Variants in AMZ1 observed in about 807,000 individuals in gnomAD.
AMZ1 encodes the protein archaemetzincin-1.
In AMZ1, 39 loss-of-function variants were observed where a neutral mutation model predicts 29.9. The ratio of observed to expected loss-of-function variants is 1.30; its 90% CI spans 1.01 to 1.70. The LOEUF (loss-of-function observed/expected upper bound fraction) is 1.70, where lower values mean the gene tolerates loss of function less well. Ranked by LOEUF, AMZ1 falls within the 40% of genes most tolerant of loss-of-function variation. The pLI, the probability that AMZ1 is intolerant of heterozygous loss-of-function variation, is 0.00. For missense variants in AMZ1, 1,041 were observed against 680.6 expected (o/e 1.53, Z -5.89); for synonymous variants, 458 against 304.0 (o/e 1.51, Z -5.27).
At chr7:2,754,676 G>A (rs1791206016) in intron 4 of AMZ1, among the ~76,000 whole-genome samples, 1 of 152,038 alleles carries the variant, frequency 6.6e-6, no homozygotes, top group Non-Finnish European at 1.5e-5. Context: ...TTGAGCCCAG[G>A]AGACTGAGGC....
rs1264435511 is a variant in AMZ1 at position 2,702,739 on chromosome 7, G to T, written c.322G>T (p.Val108Leu). 6.5e-7 allele frequency: 1 copy of T among 1,536,824 alleles called. No homozygotes were observed. The highest frequency in any genetic ancestry group is 2.5e-5 in the East Asian group (1 of 40,708). Residue 108 changes from valine (V) to leucine (L), a missense_variant, in exon 3 of 7, where the codon GTG (valine) becomes TTG (leucine). By Grantham distance (32) the Val-to-Leu change is conservative. Coordinates refer to ENST00000683327, the MANE Select transcript of AMZ1 (RefSeq NM_001384743.1). ...LQPIDLSEEP[V>L]GSSLLHQLCS... The stretch of plus-strand genomic sequence containing the variant: ...CCCACCAGACCTGAGCGAGGAGCCG[G>T]TGGGAAGCTCCCTGCTGCACCAGCT...
intron 3 of AMZ1, among the ~76,000 whole-genome samples, chr7:2,704,003 C>G (rs918601766): frequency 2.0e-5 from 3 of 152,216 alleles, no homozygotes; most frequent in Non-Finnish European, 2.9e-5. Context: ...ATTCTCCTGC[C>G]TCAGCCTCCC....
At chr7:2,762,083 C>G (rs1266396924), upstream of AMZ1, 1 of 152,554 alleles carries the variant, frequency 6.6e-6, no homozygotes, top group Non-Finnish European at 1.5e-5. Flanking sequence ...TACCTCCAGC[C>G]CCTCCAGAAA....
rs769655462 is a variant in AMZ1 at position 2,713,094 on chromosome 7, T to C, written c.*216T>C. Reference sequence around the variant, plus strand: ...CTCTACAAAAGAAAAATTAAAAAATTAGCTGGATGAAGTGGTTCATGCCTG... The same window carrying C: ...CTCTACAAAAGAAAAATTAAAAAATCAGCTGGATGAAGTGGTTCATGCCTG... On this transcript the variant is annotated 3_prime_UTR_variant, in exon 7 of 7. Transcript: ENST00000683327. The C allele has an allele frequency of 4.5e-6, 2 of 448,106 alleles. No homozygotes were observed. Among genetic ancestry groups the C allele is most frequent in the Non-Finnish European group, 7.5e-6 (2 of 266,038 alleles). The allele number at this position is 448,106 out of a possible 1,614,324, so 27.8% of individuals were successfully genotyped here.
rs1462060894 is a variant in AMZ1 at position 2,719,028 on chromosome 7, C to T, written c.*6150C>T. Among the ~76,000 whole-genome samples the T allele has an allele frequency of 2.4e-5, 3 of 125,704 alleles. No individual in the cohort carries two copies. The highest frequency in any genetic ancestry group is 3.9e-3 in the Middle Eastern group (1 of 258). 82.5% of individuals were successfully genotyped at this position (125,704 alleles called of 152,430 possible). A position where few individuals can be genotyped will look rare whatever the true frequency, so the allele number is the denominator to read the frequency against. ...GGCGACTTTTTTTTTTTTTTTTCCC[C>T]CCCATCTGAAGTGAGATCAAACTTC... On this transcript the variant is annotated 3_prime_UTR_variant, in exon 7 of 7. Coordinates refer to ENST00000683327, the MANE Select transcript of AMZ1 (RefSeq NM_001384743.1).
intron 3 of AMZ1, among the ~76,000 whole-genome samples, chr7:2,707,239 TA>T (rs1305512062): frequency 1.3e-5 from 2 of 150,432 alleles, no homozygotes; most frequent in Non-Finnish European, 3.0e-5. Context: ...ATAGCGCCAC[TA>T]CACTGCAGCC....
chr7:2,721,225 G>T (rs1001874469), downstream of AMZ1, among the ~76,000 whole-genome samples: 28 of 152,220 alleles, frequency 1.8e-4, no homozygotes, highest in African/African-American at 6.3e-4. Flanking sequence ...CTCAGGAGTG[G>T]AAGCACAGGG....
At chr7:2,695,592 A>G (rs1787664007) in intron 1 of AMZ1, among the ~76,000 whole-genome samples, 2 of 151,426 alleles carry the variant, frequency 1.3e-5, no homozygotes, top group Admixed American at 1.3e-4. Flanking sequence ...ACATGTCCGT[A>G]GTCTCAGCTA....
chr7:2,745,105 A>G (rs1437778080), intron 4 of AMZ1, among the ~76,000 whole-genome samples: 1 of 152,254 alleles, frequency 6.6e-6, no homozygotes. Context: ...GCAGGATATT[A>G]TCCAGGAAAA....
upstream of AMZ1, among the ~76,000 whole-genome samples, chr7:2,684,945 C>G (rs1462517138): frequency 1.3e-5 from 2 of 150,764 alleles, no homozygotes; most frequent in African/African-American, 2.4e-5. Flanking sequence ...TCTCAGCTCA[C>G]TGCAAGCTCC....
upstream of AMZ1, among the ~76,000 whole-genome samples, chr7:2,687,848 C>T (rs1163699689): frequency 6.6e-6 from 1 of 151,174 alleles, no homozygotes; most frequent in East Asian, 1.9e-4. Context: ...CACCTCGTGG[C>T]GCTGGTTCAC....
intron 4 of AMZ1, among the ~76,000 whole-genome samples, chr7:2,735,340 C>T (rs748440750): frequency 1.6e-4 from 25 of 152,170 alleles, no homozygotes; most frequent in Non-Finnish European, 2.9e-4. Context: ...GCACCAGGCA[C>T]GAAGGAAGCA....
chr7:2,704,926 C>T (rs1446144146), intron 3 of AMZ1, among the ~76,000 whole-genome samples: 2 of 152,116 alleles, frequency 1.3e-5, no homozygotes, highest in African/African-American at 4.8e-5. Context: ...TCTCAGTTGC[C>T]TATGACACTT....
At chr7:2,739,106 G>C (rs1156675034) in intron 4 of AMZ1, among the ~76,000 whole-genome samples, 3 of 152,186 alleles carry the variant, frequency 2.0e-5, no homozygotes, top group African/African-American at 4.8e-5. Flanking sequence ...GCTGTCACAG[G>C]GGTGCCACGC....
At chr7:2,682,902 C>T (rs946444590) in intron 1 of AMZ1, among the ~76,000 whole-genome samples, 2 of 152,216 alleles carry the variant, frequency 1.3e-5, no homozygotes, top group Non-Finnish European at 2.9e-5. Context: ...CCATCTCTGC[C>T]GTTGACCCGG....
intron 5 of AMZ1, among the ~76,000 whole-genome samples, 175 bp downstream of exon 5, chr7:2,709,419 C>T (rs1319277533): frequency 1.4e-5 from 2 of 146,720 alleles, no homozygotes; most frequent in Non-Finnish European, 1.5e-5. Flanking sequence ...GGATTAGAGC[C>T]CCAAGCCCCT....
intron 4 of AMZ1, among the ~76,000 whole-genome samples, chr7:2,727,297 G>A (rs1362929918): frequency 1.3e-5 from 2 of 152,130 alleles, no homozygotes; most frequent in African/African-American, 4.8e-5. Flanking sequence ...GGCCAGGATG[G>A]TCTCGATCTC....
chr7:2,753,304 C>T (rs1412873337), intron 4 of AMZ1, among the ~76,000 whole-genome samples: 1 of 152,130 alleles, frequency 6.6e-6, no homozygotes, highest in Non-Finnish European at 1.5e-5. Flanking sequence ...TAGGTGCATG[C>T]CACCACGATT....
intron 4 of AMZ1, 25 bp from the exon 5 acceptor site, chr7:2,709,050 T>C: frequency 6.5e-7 from 1 of 1,543,842 alleles, no homozygotes; most frequent in South Asian, 1.2e-5. Context: ...CCCCTGAGAG[T>C]GCCCTTCTCT....
Sources: allele counts gnomAD v4.1 joint callset (sites outside exome capture counted in the v4.1 genomes callset), GRCh38; gene constraint gnomAD v4.1.1; transcripts MANE v1.5; gene names NCBI Gene and HGNC (gene_info 2026-07-23, HGNC 2026-07-21).